Variants in PPP2R2B observed in about 807,000 individuals in gnomAD.
PPP2R2B encodes the protein protein phosphatase 2 regulatory subunit Bbeta.
PPP2R2B carries 5 observed loss-of-function variants against 46.0 expected under a neutral mutation model. The observed-to-expected ratio is 0.11, with a 90% CI of 0.06 to 0.23. The LOEUF (loss-of-function observed/expected upper bound fraction) is 0.23, where lower values mean the gene tolerates loss of function less well. Ranked by LOEUF, PPP2R2B falls within the 10% of genes least tolerant of loss-of-function variation. The pLI is 1.00. For synonymous variants in PPP2R2B, 215 were observed against 206.7 expected, an observed-to-expected ratio of 1.04 and a Z score of -0.34; for missense variants, 367 against 575.0, an observed-to-expected ratio of 0.64 and a Z score of 3.70.
intron 2 of PPP2R2B, among the ~76,000 whole-genome samples, chr5:146,843,561 A>G (rs557410284): frequency 3.0e-4 from 45 of 152,310 alleles, no homozygotes; most frequent in African/African-American, 1.0e-3. Context: ...CACACCAGAG[A>G]AAAAAGTACA....
chr5:147,050,166 A>C (rs1756737303), intron 1 of PPP2R2B, among the ~76,000 whole-genome samples: 1 of 152,232 alleles, frequency 6.6e-6, no homozygotes, highest in Admixed American at 6.5e-5. Context: ...TAAAATTCAA[A>C]AAATATGTTT....
At chr5:147,055,975 C>G (rs912802377), upstream of PPP2R2B, 6 of 1,366,690 alleles carry the variant, frequency 4.4e-6, no homozygotes, top group African/African-American at 1.5e-5. Context: ...AGCCCCCAAG[C>G]AAGCCGGGAT....
chr5:146,825,656 G>A (rs946576878), intron 2 of PPP2R2B, among the ~76,000 whole-genome samples: 3 of 152,170 alleles, frequency 2.0e-5, no homozygotes, highest in Non-Finnish European at 4.4e-5. Flanking sequence ...TGATAACCTG[G>A]TTGAGTCAAG....
chr5:146,704,367 A>G (rs1779711143), intron 2 of PPP2R2B, among the ~76,000 whole-genome samples: 1 of 152,234 alleles, frequency 6.6e-6, no homozygotes, highest in African/African-American at 2.4e-5. Context: ...GTCATTTGAA[A>G]TCATGATCCA....
intron 1 of PPP2R2B, among the ~76,000 whole-genome samples, chr5:146,941,225 A>T: frequency 6.6e-6 from 1 of 152,140 alleles, no homozygotes; most frequent in East Asian, 1.9e-4. Flanking sequence ...TCTTCTCCCC[A>T]ACAAATGCCA....
intron 5 of PPP2R2B, among the ~76,000 whole-genome samples, chr5:146,659,314 T>C (rs545961066): frequency 8.5e-5 from 13 of 152,334 alleles, no homozygotes; most frequent in African/African-American, 3.1e-4. Flanking sequence ...CTTAGTTACC[T>C]ACTTTAAAAA....
chr5:147,028,907 G>A (rs910376498), intron 1 of PPP2R2B, among the ~76,000 whole-genome samples: 6 of 152,094 alleles, frequency 3.9e-5, no homozygotes. Flanking sequence ...TGGCTTTAAT[G>A]TGCATTTCCT....
At chr5:146,755,533 G>T (rs1024492122) in intron 2 of PPP2R2B, among the ~76,000 whole-genome samples, 1 of 152,040 alleles carries the variant, frequency 6.6e-6, no homozygotes, top group East Asian at 1.9e-4. Context: ...TATTAAAGCA[G>T]GTCAAAGAGA....
intron 2 of PPP2R2B, chr5:146,856,374 G>A: frequency 1.4e-6 from 1 of 690,902 alleles, no homozygotes; most frequent in South Asian, 2.1e-5. Flanking sequence ...TAAGCAACTG[G>A]AACTATTTAA....
chr5:146,996,138 C>G (rs762314312), intron 1 of PPP2R2B, among the ~76,000 whole-genome samples: 5 of 152,158 alleles, frequency 3.3e-5, no homozygotes, highest in Non-Finnish European at 7.3e-5. Flanking sequence ...AGCATATTCT[C>G]ATGCAGTTAT....
At chr5:146,654,576 A>G (rs535295506) in intron 5 of PPP2R2B, among the ~76,000 whole-genome samples, 14 of 152,330 alleles carry the variant, frequency 9.2e-5, no homozygotes, top group Admixed American at 7.8e-4. Flanking sequence ...GGAGTCTTAC[A>G]GTGGGAGGCC....
chr5:146,725,218 G>A (rs749327636), intron 2 of PPP2R2B, among the ~76,000 whole-genome samples: 7 of 152,044 alleles, frequency 4.6e-5, no homozygotes, highest in South Asian at 4.2e-4. Context: ...TTGAGTACCC[G>A]ACTGTATTTT....
At chr5:147,066,278 T>G (rs982417609) in intron 2 of PPP2R2B, among the ~76,000 whole-genome samples, 2 of 152,188 alleles carry the variant, frequency 1.3e-5, no homozygotes, top group African/African-American at 4.8e-5. Context: ...AGTGCTAACA[T>G]TAATAATGAC....
At chr5:146,951,375 T>G (rs997608883) in intron 1 of PPP2R2B, among the ~76,000 whole-genome samples, 3 of 151,490 alleles carry the variant, frequency 2.0e-5, no homozygotes, top group African/African-American at 7.3e-5. Context: ...TAAGTTCCAG[T>G]GTATATGTGC....
chr5:146,952,408 A>C (rs1306802604), intron 1 of PPP2R2B, among the ~76,000 whole-genome samples: 2 of 152,054 alleles, frequency 1.3e-5, no homozygotes, highest in Non-Finnish European at 2.9e-5. Context: ...GGATGCCTTG[A>C]ATGTGATCCA....
chr5:146,887,104 AT>A (rs1191023338), intron 1 of PPP2R2B, among the ~76,000 whole-genome samples: 4 of 152,076 alleles, frequency 2.6e-5, no homozygotes, highest in African/African-American at 9.6e-5. Context: ...TTATATTTGA[AT>A]TTTTTGAAGA....
chr5:147,056,188 G>T, upstream of PPP2R2B: 28 of 919,502 alleles, frequency 3.0e-5, no homozygotes, highest in Non-Finnish European at 3.6e-5. Context: ...AAGATCAGAT[G>T]AAACAAAGAC....
intron 1 of PPP2R2B, among the ~76,000 whole-genome samples, chr5:147,039,618 T>C (rs147700309): frequency 1.3e-4 from 20 of 152,326 alleles, no homozygotes; most frequent in Non-Finnish European, 1.5e-4. Context: ...AGACCATCTA[T>C]GAAGGCTACT....
At chr5:146,932,564 G>A (rs1764003981) in intron 1 of PPP2R2B, among the ~76,000 whole-genome samples, 1 of 152,108 alleles carries the variant, frequency 6.6e-6, no homozygotes, top group African/African-American at 2.4e-5. Context: ...ATGACTGTGA[G>A]GCCTCCCCAG....
Sources: gnomAD v4.1 joint callset for allele counts (sites outside exome capture counted in the v4.1 genomes callset) on GRCh38, gnomAD v4.1.1 for gene constraint, MANE v1.5 for transcripts, NCBI Gene and HGNC (gene_info 2026-07-23, HGNC 2026-07-21) for gene names.